Variants in AIM2 observed in about 807,000 individuals in gnomAD.
AIM2 encodes interferon-inducible protein AIM2.
In AIM2, 30 loss-of-function variants were observed where a neutral mutation model predicts 27.7. The observed-to-expected ratio is 1.08, with a 90% CI of 0.81 to 1.47. The LOEUF is 1.47. Ranked by LOEUF, AIM2 falls within the 40% of genes most tolerant of loss-of-function variation. The pLI is 0.00. For missense variants in AIM2, 358 were observed against 411.3 expected, an observed-to-expected ratio of 0.87 and a Z score of 1.12; for synonymous variants, 141 against 145.3, an observed-to-expected ratio of 0.97 and a Z score of 0.21.
chr1:159,122,653 A>G (rs1570977713), intron 1 of AIM2, among the ~76,000 whole-genome samples: 1 of 152,242 alleles, frequency 6.6e-6, no homozygotes, highest in African/African-American at 2.4e-5. Flanking sequence ...AACAAAGATC[A>G]AAGGCTGCCA....
chr1:159,093,248 T>C (rs1442020121), intron 1 of AIM2, among the ~76,000 whole-genome samples: 1 of 152,098 alleles, frequency 6.6e-6, no homozygotes, highest in African/African-American at 2.4e-5. Context: ...CTACAAGATC[T>C]AGCATGATAC....
chr1:159,129,193 A>C (rs148816225), intron 1 of AIM2, among the ~76,000 whole-genome samples: 18 of 152,320 alleles, frequency 1.2e-4, no homozygotes, highest in Admixed American at 8.5e-4. Context: ...AGACAGAGGC[A>C]GAGTTTGGAA....
At chr1:159,115,805 T>C (rs1432644265) in intron 1 of AIM2, among the ~76,000 whole-genome samples, 2 of 152,060 alleles carry the variant, frequency 1.3e-5, no homozygotes, top group Non-Finnish European at 1.5e-5. Flanking sequence ...CCAAAAGCAA[T>C]GGCAACAAAA....
chr1:159,091,359 T>G (rs1381123440), intron 1 of AIM2, among the ~76,000 whole-genome samples: 1 of 152,212 alleles, frequency 6.6e-6, no homozygotes, highest in African/African-American at 2.4e-5. Flanking sequence ...GTAGAGTCAG[T>G]CCACAATGAC....
intron 1 of AIM2, among the ~76,000 whole-genome samples, chr1:159,093,138 A>G (rs1033043369): frequency 6.6e-6 from 1 of 152,218 alleles, no homozygotes; most frequent in African/African-American, 2.4e-5. Context: ...TTTCGCATAA[A>G]TAAAATACTG....
In AIM2 at chr1:159,113,840, A is replaced by G. The variant is rs547743819; in HGVS notation, c.-16+26591T>C. Among the ~76,000 whole-genome samples, 4 of 152,338 alleles carry G rather than the reference A, an allele frequency of 2.6e-5. No individual in the cohort carries two copies. The South Asian group carries it at 8.3e-4, about 32-fold the overall frequency. On this transcript the variant is annotated intron_variant, in intron 1 of 2. Coordinates refer to the AIM2 transcript ENST00000368129. Reference sequence around the variant, plus strand: ...TATTGAATAGTGGTGAGGCATGATAAGAAGTTTTGAAAGTTAGCCAGGAAG... The same window carrying G: ...TATTGAATAGTGGTGAGGCATGATAGGAAGTTTTGAAAGTTAGCCAGGAAG...
chr1:159,117,206 G>GGT (rs1179824267), intron 1 of AIM2, among the ~76,000 whole-genome samples: 1 of 152,136 alleles, frequency 6.6e-6, no homozygotes, highest in Admixed American at 6.5e-5. Context: ...GGAGGAGACA[G>GGT]GTGCATTTGT....
At chr1:159,102,144 C>T (rs889139735) in intron 1 of AIM2, among the ~76,000 whole-genome samples, 1 of 152,206 alleles carries the variant, frequency 6.6e-6, no homozygotes. Context: ...ATCCCAGCTG[C>T]TTCAGCTCCT....
intron 1 of AIM2, among the ~76,000 whole-genome samples, chr1:159,115,289 C>G (rs1374933260): frequency 6.6e-6 from 1 of 152,176 alleles, no homozygotes; most frequent in Non-Finnish European, 1.5e-5. Flanking sequence ...ATGCCATCCC[C>G]ATCAAGCTAT....
intron 1 of AIM2, among the ~76,000 whole-genome samples, chr1:159,123,239 T>C (rs578154324): frequency 6.6e-6 from 1 of 152,346 alleles, no homozygotes; most frequent in East Asian, 1.9e-4. Flanking sequence ...TCTCTGCATT[T>C]CCCTGATGAG....
At chr1:159,093,039 A>AT (rs1491567515) in intron 1 of AIM2, among the ~76,000 whole-genome samples, 158 of 108,148 alleles carry the variant, frequency 1.5e-3, no homozygotes, top group African/African-American at 4.4e-3. Context: ...ATAAATAAAT[A>AT]AAAATAAATA....
upstream of AIM2, among the ~76,000 whole-genome samples, chr1:159,143,334 G>C (rs1428881090): frequency 6.6e-6 from 1 of 152,118 alleles, no homozygotes; most frequent in Admixed American, 6.5e-5. Flanking sequence ...CTAGAGATGG[G>C]AGCTCAGAAA....
chr1:159,119,870 A>G (rs12025915), intron 1 of AIM2, among the ~76,000 whole-genome samples: 6,513 of 151,904 alleles, frequency 0.043, 363 homozygotes, highest in East Asian at 0.13. Context: ...TTCTCCACAT[A>G]TGCACACTCA....
Position 159,063,652 on chromosome 1 carries a change from A to G in AIM2, c.839T>C (p.Ile280Thr), listed in dbSNP as rs751076810. ...AGTGTTGTCACTTAGGTCAAATAATATGTTTTTCTTCTTTTCTGTTACCTA... is the reference window on the plus strand; with the variant it reads ...AGTGTTGTCACTTAGGTCAAATAATGTGTTTTTCTTCTTTTCTGTTACCTA... ...VQKVTEKKKN[I>T]LFDLSDNTGK... The change falls in exon 5 of 6, where the codon ATA becomes ACA. Residue 280 changes from isoleucine to threonine, a missense_variant. Physicochemically the swap from Ile to Thr is moderately conservative, Grantham distance 89. Coordinates refer to ENST00000368130, the MANE Select transcript of AIM2 (RefSeq NM_004833.3). The G allele has an allele frequency of 2.1e-5, 34 of 1,612,274 alleles. No individual in the cohort carries two copies. The highest frequency in any genetic ancestry group is 2.8e-5 in the Non-Finnish European group (33 of 1,179,518).
At chr1:159,069,818 C>T (rs1295616644) in intron 2 of AIM2, among the ~76,000 whole-genome samples, 1 of 152,194 alleles carries the variant, frequency 6.6e-6, no homozygotes, top group African/African-American at 2.4e-5. Flanking sequence ...GTTGGGATTA[C>T]AGGCGTGAGC....
In AIM2 at chr1:159,073,436, G is replaced by A; in HGVS notation, c.64C>T (p.Leu22=). 2.5e-6 allele frequency: 4 copies of A among 1,614,094 alleles called. No individual in the cohort carries two copies. The highest frequency in any genetic ancestry group is 3.4e-6 in the Non-Finnish European group (4 of 1,180,022). The stretch of plus-strand genomic sequence containing the variant: ...GAAAGAAAGAACTTAAACCTATCCA[G>A]TTCCTCATCAGTGATGTTATCCAGG... ...TGLDNITDEE[L]DRFKFFLSDE... Residue 22 remains leucine (L), a synonymous_variant, in exon 2 of 6, where the codon CTG becomes TTG. Coordinates refer to ENST00000368130, the MANE Select transcript of AIM2 (RefSeq NM_004833.3).
intron 1 of AIM2, among the ~76,000 whole-genome samples, chr1:159,085,530 A>G (rs1656888004): frequency 6.6e-6 from 1 of 152,168 alleles, no homozygotes; most frequent in African/African-American, 2.4e-5. Flanking sequence ...TGAGGTGCCC[A>G]AGAGATATGT....
chr1:159,118,272 C>A (rs1292632413), intron 1 of AIM2, among the ~76,000 whole-genome samples: 2 of 152,142 alleles, frequency 1.3e-5, no homozygotes, highest in Non-Finnish European at 2.9e-5. Context: ...GGTTTTGTAT[C>A]CCCTTGACAT....
intron 1 of AIM2, among the ~76,000 whole-genome samples, chr1:159,104,219 C>T (rs1657377733): frequency 6.6e-6 from 1 of 152,004 alleles, no homozygotes; most frequent in Admixed American, 6.6e-5. Context: ...GAAATGGGGG[C>T]AGAGCCACGG....
Sources: allele counts gnomAD v4.1 joint callset (sites outside exome capture counted in the v4.1 genomes callset), GRCh38; gene constraint gnomAD v4.1.1; transcripts MANE v1.5; gene names NCBI Gene and HGNC (gene_info 2026-07-23, HGNC 2026-07-21).